SHQ1: variants seen among roughly 807,000 people sequenced by gnomAD.
The protein encoded by SHQ1 is SHQ1, H/ACA ribonucleoprotein assembly factor, also known as protein SHQ1 homolog.
A neutral mutation model predicts 53.8 loss-of-function variants in SHQ1; 49 were observed. That is an observed-to-expected ratio of 0.91 (90% CI 0.72 to 1.16). The LOEUF is 1.16. SHQ1 is among the 50% of genes most tolerant of loss of function. SHQ1 has a pLI of 0.00. For synonymous variants in SHQ1, 243 were observed against 251.0 expected, an observed-to-expected ratio of 0.97 and a Z score of 0.30; for missense variants, 738 against 683.1, an observed-to-expected ratio of 1.08 and a Z score of -0.90.
chr3:72,738,281 C>G, the SHQ1 span, among the ~76,000 whole-genome samples: 1 of 152,114 alleles, frequency 6.6e-6, no homozygotes, highest in African/African-American at 2.4e-5. Context: ...CCTGCCCCTG[C>G]TGAAAACGAG....
intron 10 of SHQ1, among the ~76,000 whole-genome samples, chr3:72,777,161 C>T (rs1015478469): frequency 3.9e-5 from 6 of 152,132 alleles, no homozygotes; most frequent in Admixed American, 1.3e-4. Flanking sequence ...CTTTCTTAAA[C>T]GAGAACCAAA....
At chr3:72,814,963 T>TA (rs1297598839) in intron 8 of SHQ1, among the ~76,000 whole-genome samples, 6 of 152,284 alleles carry the variant, frequency 3.9e-5, no homozygotes, top group East Asian at 3.9e-4. Flanking sequence ...AAAAATCATA[T>TA]AAAAAACATT....
At chr3:72,739,741 A>G in the SHQ1 span, among the ~76,000 whole-genome samples, 1 of 152,242 alleles carries the variant, frequency 6.6e-6, no homozygotes, top group Admixed American at 6.5e-5. Context: ...TTAGAAGTGC[A>G]ATGTCTGTGA....
At chr3:72,776,729 T>C (rs997075649) in intron 10 of SHQ1, among the ~76,000 whole-genome samples, 6 of 152,174 alleles carry the variant, frequency 3.9e-5, no homozygotes, top group Non-Finnish European at 8.8e-5. Flanking sequence ...CACAAAATGT[T>C]TTAGTCTCTC....
At chr3:72,735,277 G>T in the SHQ1 span, among the ~76,000 whole-genome samples, 1 of 150,580 alleles carries the variant, frequency 6.6e-6, no homozygotes, top group Non-Finnish European at 1.5e-5. Flanking sequence ...TGTGGGCTGG[G>T]CTCAGTGGGG....
At chr3:72,776,265 T>C (rs951402935) in intron 10 of SHQ1, among the ~76,000 whole-genome samples, 3 of 152,242 alleles carry the variant, frequency 2.0e-5, no homozygotes, top group East Asian at 1.9e-4. Context: ...GAACTACATA[T>C]GGTGGTCCCA....
chr3:72,814,149 A>T (rs1396406492), intron 8 of SHQ1, among the ~76,000 whole-genome samples: 4 of 152,234 alleles, frequency 2.6e-5, no homozygotes. Context: ...TTAGTATTTG[A>T]CATAATTTAA....
chr3:72,743,848 CA>C, the SHQ1 span, among the ~76,000 whole-genome samples: 3 of 152,300 alleles, frequency 2.0e-5, no homozygotes, highest in Admixed American at 2.0e-4. Context: ...AAGACCATTA[CA>C]AATTGTTCTG....
the SHQ1 span, among the ~76,000 whole-genome samples, chr3:72,744,112 A>G: frequency 6.6e-6 from 1 of 152,186 alleles, no homozygotes; most frequent in Non-Finnish European, 1.5e-5. Context: ...CAATGGGACT[A>G]TTGTTTCCAG....
intron 10 of SHQ1, among the ~76,000 whole-genome samples, chr3:72,775,087 CCTG>C (rs1210307990): frequency 6.6e-6 from 1 of 151,950 alleles, no homozygotes; most frequent in Non-Finnish European, 1.5e-5. Context: ...TGCAGTCCAG[CCTG>C]GGCACCAGAA....
intron 9 of SHQ1, among the ~76,000 whole-genome samples, chr3:72,800,351 C>G (rs972694449): frequency 6.6e-6 from 1 of 152,238 alleles, no homozygotes; most frequent in African/African-American, 2.4e-5. Context: ...CCCACTTGCT[C>G]TGCACCAGAT....
chr3:72,797,062 A>AGTG lies in SHQ1; in HGVS notation c.1061-4027_1061-4026insCAC, dbSNP rs1559676671. 1.4e-4 allele frequency among the ~76,000 whole-genome samples: 21 copies of AGTG among 152,086 alleles called. 1 individual carries two copies. Among genetic ancestry groups the AGTG allele is most frequent in the African/African-American group, 5.1e-4 (21 of 41,506 alleles). ...CACCTGAAGTCAGGAGTTCAAGACC[A>AGTG]GCCTGGCCAACATGGTGAAACCCTG... is the stretch of plus-strand genomic sequence containing the variant. On this transcript the variant is annotated intron_variant, in intron 9 of 10. Coordinates refer to ENST00000325599, the MANE Select transcript of SHQ1 (RefSeq NM_018130.3).
chr3:72,831,467 C>T (rs1707817126), intron 5 of SHQ1, among the ~76,000 whole-genome samples: 1 of 152,210 alleles, frequency 6.6e-6, no homozygotes, highest in African/African-American at 2.4e-5. Context: ...TTAAACTCCT[C>T]TCCTCATCTG....
At chr3:72,807,210 T>C (rs1344327948) in intron 9 of SHQ1, among the ~76,000 whole-genome samples, 2 of 152,228 alleles carry the variant, frequency 1.3e-5, no homozygotes, top group African/African-American at 4.8e-5. Context: ...GACTTAAATG[T>C]AGGTCAGTTT....
downstream of SHQ1, among the ~76,000 whole-genome samples, chr3:72,744,899 T>TC (rs1272757757): frequency 2.2e-5 from 3 of 136,622 alleles, 1 homozygote; most frequent in South Asian, 5.5e-4. Flanking sequence ...GCAATGACAT[T>TC]CCATGACAGG....
chr3:72,817,317 C>T lies in SHQ1; in HGVS notation c.795G>A (p.Lys265=). 1 of 1,613,898 alleles carries T rather than the reference C, an allele frequency of 6.2e-7. No homozygotes were observed. Among genetic ancestry groups the T allele is most frequent in the Non-Finnish European group, 8.5e-7 (1 of 1,179,820 alleles). ...TGTAGCACACTTGACGACAGGCTCT[C>T]TTGTCCAGCAGATAAGATTTATTGA... ...KFVNKSYLLD[K]RACRQVCYSL... Residue 265 remains lysine, a synonymous_variant, in exon 7 of 11, where the codon AAG becomes AAA. Transcript: ENST00000325599.
chr3:72,835,467 A>G (rs1283862329), intron 4 of SHQ1, among the ~76,000 whole-genome samples: 1 of 152,132 alleles, frequency 6.6e-6, no homozygotes, highest in Admixed American at 6.5e-5. Context: ...CAATTTTAAA[A>G]CACAGACTTA....
At chr3:72,806,446 G>A (rs78284807) in intron 9 of SHQ1, among the ~76,000 whole-genome samples, 2 of 150,996 alleles carry the variant, frequency 1.3e-5, no homozygotes. Context: ...AATTAAGCCA[G>A]AAAAAAAAAG....
At chr3:72,844,893 T>C (rs1426729465) in intron 1 of SHQ1, among the ~76,000 whole-genome samples, 2 of 152,214 alleles carry the variant, frequency 1.3e-5, no homozygotes, top group African/African-American at 4.8e-5. Context: ...AACTATCTTC[T>C]GGCTATATGT....
Sources: gnomAD v4.1 joint callset for allele counts (sites outside exome capture counted in the v4.1 genomes callset) on GRCh38, gnomAD v4.1.1 for gene constraint, MANE v1.5 for transcripts, NCBI Gene and HGNC (gene_info 2026-07-23, HGNC 2026-07-21) for gene names.